The following SPAG16 variants were observed in gnomAD, a reference collection of about 807,000 sequenced individuals.
SPAG16 encodes the protein sperm associated antigen 16.
A neutral mutation model predicts 80.4 loss-of-function variants in SPAG16; 86 were observed. The ratio of observed to expected loss-of-function variants is 1.07; its 90% CI spans 0.90 to 1.28. The LOEUF is 1.28. SPAG16 is among the 50% of genes most tolerant of loss of function. The probability of loss-of-function intolerance (pLI) is 0.00; values close to 1 mark genes in which losing one functional copy is unlikely to be tolerated. For missense variants in SPAG16, 870 were observed against 765.3 expected, an observed-to-expected ratio of 1.14 and a Z score of -1.61; for synonymous variants, 294 against 265.9, an observed-to-expected ratio of 1.11 and a Z score of -1.03.
chr2:213,831,640 G>A (rs1575277681), intron 10 of SPAG16, among the ~76,000 whole-genome samples: 3 of 152,012 alleles, frequency 2.0e-5, no homozygotes, highest in East Asian at 1.9e-4. Context: ...CTGCATGTTC[G>A]TTTTTACAAA....
intron 3 of SPAG16, among the ~76,000 whole-genome samples, chr2:213,308,466 A>G (rs1055265299): frequency 6.6e-6 from 1 of 152,142 alleles, no homozygotes; most frequent in South Asian, 2.1e-4. Context: ...ATACATATCA[A>G]TGATAATGAT....
intron 10 of SPAG16, among the ~76,000 whole-genome samples, chr2:213,778,654 A>G (rs2069751851): frequency 1.3e-5 from 2 of 152,030 alleles, no homozygotes; most frequent in Admixed American, 6.6e-5. Context: ...TCCATGGTAT[A>G]TTATCTTTCT....
At chr2:214,390,427 A>G (rs567652717) in intron 15 of SPAG16, among the ~76,000 whole-genome samples, 17 of 152,060 alleles carry the variant, frequency 1.1e-4, no homozygotes, top group Non-Finnish European at 2.1e-4. Context: ...CAAGGCTAAA[A>G]TTAAACTTGG....
chr2:214,124,734 A>ATGTTT (rs2054392728), intron 14 of SPAG16, among the ~76,000 whole-genome samples: 1 of 151,776 alleles, frequency 6.6e-6, no homozygotes, highest in Non-Finnish European at 1.5e-5. Context: ...ATGCAAAACC[A>ATGTTT]CGGGCAGAAC....
chr2:213,754,510 G>T (rs1427550068), intron 10 of SPAG16, among the ~76,000 whole-genome samples: 2 of 152,116 alleles, frequency 1.3e-5, no homozygotes, highest in Non-Finnish European at 2.9e-5. Flanking sequence ...TAAAGATTAT[G>T]TCTAGTCAGT....
At position 213,500,573 on chromosome 2, in the gene SPAG16, T is replaced by TGA. The variant is rs1239333776; in HGVS notation, c.1070+10494_1070+10495dup. Among the ~76,000 whole-genome samples the TGA allele has an allele frequency of 2.0e-5, 3 of 152,166 alleles. No individual in the cohort carries two copies. In the South Asian group the frequency reaches 6.2e-4, roughly 32 times the overall value. On this transcript the variant is annotated intron_variant, in intron 10 of 15. Transcript: ENST00000331683. ...TAAACATTAGGAATTAAATGGTAAG[T>TGA]GAGAGAGAGAGACAGAGATTTATTT...
At chr2:213,896,433 C>T (rs761424211) in intron 11 of SPAG16, among the ~76,000 whole-genome samples, 17 of 151,824 alleles carry the variant, frequency 1.1e-4, no homozygotes, top group Non-Finnish European at 1.9e-4. Flanking sequence ...AGCAATTCCA[C>T]TACTGGGTAT....
chr2:213,474,485 A>G (rs1040415319), intron 9 of SPAG16, among the ~76,000 whole-genome samples: 7 of 152,046 alleles, frequency 4.6e-5, no homozygotes, highest in African/African-American at 7.2e-5. Flanking sequence ...TTCCCCACAT[A>G]TGGTCAAAGG....
chr2:213,412,801 A>C (rs1244018067), intron 9 of SPAG16, among the ~76,000 whole-genome samples: 2 of 152,216 alleles, frequency 1.3e-5, no homozygotes, highest in Non-Finnish European at 2.9e-5. Flanking sequence ...AGGAGAATAT[A>C]ATGATAAGAG....
intron 3 of SPAG16, among the ~76,000 whole-genome samples, chr2:213,298,000 G>A (rs577003834): frequency 6.6e-6 from 1 of 152,234 alleles, no homozygotes; most frequent in Non-Finnish European, 1.5e-5. Flanking sequence ...GAAATGTGAA[G>A]GAATTTGTGA....
chr2:213,648,934 GC>G, intron 10 of SPAG16, among the ~76,000 whole-genome samples: 1 of 152,006 alleles, frequency 6.6e-6, no homozygotes, highest in Non-Finnish European at 1.5e-5. Flanking sequence ...CCATAACCAT[GC>G]GGCAAAAGCA....
At chr2:213,433,788 A>C (rs1252924249) in intron 9 of SPAG16, among the ~76,000 whole-genome samples, 4 of 152,304 alleles carry the variant, frequency 2.6e-5, no homozygotes, top group Non-Finnish European at 5.9e-5. Context: ...CAAATAGCTA[A>C]ATAAATTCTA....
chr2:213,683,811 C>T (rs891773640), intron 10 of SPAG16, among the ~76,000 whole-genome samples: 1 of 152,070 alleles, frequency 6.6e-6, no homozygotes, highest in Non-Finnish European at 1.5e-5. Flanking sequence ...AAAACTAGGC[C>T]AGTGTACTAT....
chr2:213,631,200 C>CA (rs1375813405), intron 10 of SPAG16, among the ~76,000 whole-genome samples: 4 of 151,898 alleles, frequency 2.6e-5, no homozygotes, highest in Admixed American at 6.6e-5. Flanking sequence ...AGTACCCCCC[C>CA]AAAAAAAGAC....
chr2:213,899,372 C>T (rs1169225261), intron 11 of SPAG16, among the ~76,000 whole-genome samples: 1 of 152,054 alleles, frequency 6.6e-6, no homozygotes, highest in East Asian at 1.9e-4. Flanking sequence ...AAAAGGAAGA[C>T]TTTCTAACAG....
intron 12 of SPAG16, among the ~76,000 whole-genome samples, chr2:213,931,780 A>G (rs2106251870): frequency 6.6e-6 from 1 of 152,246 alleles, no homozygotes; most frequent in Non-Finnish European, 1.5e-5. Context: ...GATTGATGCC[A>G]AAATTCTTTA....
At chr2:214,004,468 C>T (rs545037345) in intron 12 of SPAG16, among the ~76,000 whole-genome samples, 1 of 152,222 alleles carries the variant, frequency 6.6e-6, no homozygotes, top group East Asian at 1.9e-4. Context: ...GAGAAACATA[C>T]TCCTTAATTG....
At chr2:213,819,431 C>A (rs993435373) in intron 10 of SPAG16, among the ~76,000 whole-genome samples, 19 of 152,264 alleles carry the variant, frequency 1.2e-4, no homozygotes, top group African/African-American at 4.1e-4. Flanking sequence ...ATCTGTCTTC[C>A]TTTTCAGAAG....
chr2:213,428,515 A>G (rs1035800614), intron 9 of SPAG16, among the ~76,000 whole-genome samples: 4 of 152,142 alleles, frequency 2.6e-5, no homozygotes, highest in Admixed American at 6.5e-5. Flanking sequence ...GAGCTTGGAC[A>G]GGGGATTGTA....
Sources: gnomAD v4.1 joint callset for allele counts (sites outside exome capture counted in the v4.1 genomes callset) on GRCh38, gnomAD v4.1.1 for gene constraint, MANE v1.5 for transcripts, NCBI Gene and HGNC (gene_info 2026-07-23, HGNC 2026-07-21) for gene names.